Variants in EPB41L4A observed in about 807,000 individuals in gnomAD.
EPB41L4A encodes the protein erythrocyte membrane protein band 4.1 like 4A.
A neutral mutation model predicts 108.6 loss-of-function variants in EPB41L4A; 100 were observed. That is an observed-to-expected ratio of 0.92 (90% CI 0.78 to 1.09). EPB41L4A has a LOEUF of 1.09. Ranked by LOEUF, EPB41L4A falls within the 50% of genes least tolerant of loss-of-function variation. The pLI is 0.00. For missense variants in EPB41L4A, 1,030 were observed against 842.7 expected (o/e 1.22, Z -2.75); for synonymous variants, 319 against 289.0 (o/e 1.10, Z -1.05).
intron 2 of EPB41L4A, among the ~76,000 whole-genome samples, chr5:112,281,763 C>T (rs1183810637): frequency 1.3e-5 from 2 of 152,208 alleles, no homozygotes; most frequent in Non-Finnish European, 2.9e-5. Context: ...AATTATAATG[C>T]TTTATGCAAT....
chr5:112,357,688 A>C (rs971401072), intron 1 of EPB41L4A, among the ~76,000 whole-genome samples: 2 of 152,208 alleles, frequency 1.3e-5, no homozygotes, highest in Admixed American at 6.5e-5. Context: ...TACACTGAGA[A>C]ATGGCCAGAA....
chr5:112,376,931 C>T (rs918778779), intron 1 of EPB41L4A, among the ~76,000 whole-genome samples: 7 of 151,996 alleles, frequency 4.6e-5, no homozygotes, highest in South Asian at 2.1e-4. Context: ...TGGCTGGGTG[C>T]GGTGGCTCAT....
chr5:112,263,028 T>C (rs1751601907), intron 6 of EPB41L4A, among the ~76,000 whole-genome samples: 1 of 152,178 alleles, frequency 6.6e-6, no homozygotes, highest in Admixed American at 6.5e-5. Flanking sequence ...TGGGATCATA[T>C]CGAGATCTCC....
intron 9 of EPB41L4A, among the ~76,000 whole-genome samples, chr5:112,245,003 C>A (rs1750101867): frequency 6.6e-6 from 1 of 151,616 alleles, no homozygotes; most frequent in South Asian, 2.1e-4. Context: ...ACGAAGTGAG[C>A]ATGTGCTTTT....
intron 1 of EPB41L4A, among the ~76,000 whole-genome samples, chr5:112,395,606 G>C (rs539743816): frequency 6.6e-6 from 1 of 152,316 alleles, no homozygotes; most frequent in African/African-American, 2.4e-5. Flanking sequence ...ACAGGTGCTG[G>C]AGAGGATGTG....
intron 1 of EPB41L4A, among the ~76,000 whole-genome samples, chr5:112,415,619 A>T (rs984892612): frequency 2.0e-5 from 3 of 152,214 alleles, no homozygotes; most frequent in Non-Finnish European, 4.4e-5. Context: ...CTAAGAGAAC[A>T]AAAAGAAAGT....
chr5:112,350,379 G>C (rs1288694478), intron 1 of EPB41L4A, among the ~76,000 whole-genome samples: 3 of 152,130 alleles, frequency 2.0e-5, no homozygotes, highest in Non-Finnish European at 1.5e-5. Flanking sequence ...ACACATGTAT[G>C]GGGGACATGT....
chr5:112,216,906 T>C (rs1434703320), intron 12 of EPB41L4A, among the ~76,000 whole-genome samples: 1 of 152,218 alleles, frequency 6.6e-6, no homozygotes, highest in Non-Finnish European at 1.5e-5. Flanking sequence ...ATTCTTTTTC[T>C]ATACCACAAA....
intron 1 of EPB41L4A, among the ~76,000 whole-genome samples, chr5:112,415,180 G>C (rs1762640036): frequency 6.6e-6 from 1 of 151,996 alleles, no homozygotes; most frequent in African/African-American, 2.4e-5. Context: ...TGTTTTCCTA[G>C]CTTATTAGGA....
At chr5:112,386,539 G>C (rs1376117591) in intron 1 of EPB41L4A, among the ~76,000 whole-genome samples, 1 of 152,106 alleles carries the variant, frequency 6.6e-6, no homozygotes. Flanking sequence ...ATTTCAGTTT[G>C]TTTTAATTCA....
rs374951599 is a variant in EPB41L4A at position 112,183,293 on chromosome 5, T to A, written c.1622+723A>T. The A allele has an allele frequency of 2.6e-5, 4 of 152,376 alleles. No individual in the cohort carries two copies. In the East Asian group the frequency reaches 5.8e-4, roughly 22 times the overall value. The allele number at this position is 152,376 out of a possible 1,614,324, so 9.4% of individuals were successfully genotyped here. ...CACGACTGGACTTAATCCCTCCTCC[T>A]GTGAGTAATCAACATCAGACATCTA... On this transcript the variant is annotated intron_variant, in intron 18 of 22. Coordinates refer to ENST00000261486, the MANE Select transcript of EPB41L4A (RefSeq NM_022140.5).
intron 1 of EPB41L4A, among the ~76,000 whole-genome samples, chr5:112,413,335 T>C (rs1193552838): frequency 6.6e-6 from 1 of 152,218 alleles, no homozygotes; most frequent in African/African-American, 2.4e-5. Context: ...AATTAGAGTA[T>C]CTTGACAACA....
At chr5:112,390,766 T>C (rs1392487194) in intron 1 of EPB41L4A, among the ~76,000 whole-genome samples, 1 of 152,172 alleles carries the variant, frequency 6.6e-6, no homozygotes, top group Non-Finnish European at 1.5e-5. Flanking sequence ...CTGACCCCCA[T>C]GTAGCCTAAC....
rs781401543 is a variant in EPB41L4A, at chr5:112,309,557, T to C, written c.100-2067A>G. 9.2e-5 allele frequency among the ~76,000 whole-genome samples: 14 copies of C among 152,184 alleles called. 1 individual carries two copies. The highest frequency in any genetic ancestry group is 1.5e-4 in the Non-Finnish European group (10 of 68,036). On this transcript the variant is annotated intron_variant, in intron 1 of 22. Transcript: ENST00000261486. ...AATTTTACACTTTTGATGTGGGTCTTACAAAATTCTATTTAGGCTTTGTGG... is the reference window on the plus strand; with the variant it reads ...AATTTTACACTTTTGATGTGGGTCTCACAAAATTCTATTTAGGCTTTGTGG...
intron 1 of EPB41L4A, among the ~76,000 whole-genome samples, chr5:112,363,944 C>T (rs442947): frequency 0.66 from 99,674 of 152,112 alleles, 32,935 homozygotes; most frequent in South Asian, 0.81. Flanking sequence ...AGTTTACTTT[C>T]CAAAAAGCAG....
At chr5:112,391,286 G>C (rs1156262006) in intron 1 of EPB41L4A, among the ~76,000 whole-genome samples, 2 of 152,160 alleles carry the variant, frequency 1.3e-5, no homozygotes, top group South Asian at 2.1e-4. Context: ...CAAGCTAAAG[G>C]AGAAGTTCCT....
intron 1 of EPB41L4A, among the ~76,000 whole-genome samples, chr5:112,333,594 CT>C (rs1180302733): frequency 1.3e-5 from 2 of 152,176 alleles, no homozygotes; most frequent in African/African-American, 4.8e-5. Flanking sequence ...TCTCAATTGC[CT>C]GACTCTCTGG....
chr5:112,363,600 C>T (rs1758923011), intron 1 of EPB41L4A: 1 of 152,360 alleles, frequency 6.6e-6, no homozygotes, highest in Non-Finnish European at 1.5e-5. Context: ...TTATTTCACA[C>T]ATGTTGCAGG....
At chr5:112,413,786 T>C (rs1021255297) in intron 1 of EPB41L4A, among the ~76,000 whole-genome samples, 7 of 152,080 alleles carry the variant, frequency 4.6e-5, no homozygotes, top group Non-Finnish European at 8.8e-5. Flanking sequence ...CTCAAAACAA[T>C]CTGGAATATT....
Sources: allele counts gnomAD v4.1 joint callset (sites outside exome capture counted in the v4.1 genomes callset), GRCh38; gene constraint gnomAD v4.1.1; transcripts MANE v1.5; gene names NCBI Gene and HGNC (gene_info 2026-07-23, HGNC 2026-07-21).